Variants in AUNIP observed in about 807,000 individuals in gnomAD.
AUNIP encodes the protein aurora kinase A- and ninein-interacting protein.
In AUNIP, 16 loss-of-function variants were observed where a neutral mutation model predicts 12.2. The ratio of observed to expected loss-of-function variants is 1.31; its 90% CI spans 0.88 to 1.99. AUNIP has a LOEUF of 1.99. Among genes scored for constraint, AUNIP ranks in the 30% most tolerant of loss-of-function variants. The probability of loss-of-function intolerance (pLI) is 0.00; values close to 1 mark genes in which losing one functional copy is unlikely to be tolerated. For missense variants in AUNIP, 411 were observed against 419.1 expected (o/e 0.98, Z 0.17); for synonymous variants, 142 against 154.8 (o/e 0.92, Z 0.61).
chr1:25,857,370 C>T (rs1405553447), intron 1 of AUNIP, among the ~76,000 whole-genome samples: 1 of 150,724 alleles, frequency 6.6e-6, no homozygotes, highest in Non-Finnish European at 1.5e-5. Flanking sequence ...CTCAGCCTCC[C>T]GAGTAGCTGG....
chr1:25,852,738 C>A (rs148285324), intron 1 of AUNIP, among the ~76,000 whole-genome samples: 25 of 152,272 alleles, frequency 1.6e-4, no homozygotes, highest in African/African-American at 6.0e-4. Flanking sequence ...CTGCGCCTGG[C>A]CGAGATTCTT....
At position 25,834,625 on chromosome 1, in the gene AUNIP, A is replaced by G; in HGVS notation, c.*368T>C. 1 of 1,014,294 alleles carries G rather than the reference A, an allele frequency of 9.9e-7. No homozygotes were observed. Among genetic ancestry groups the G allele is most frequent in the Non-Finnish European group, 1.2e-6 (1 of 847,626 alleles). 62.8% of individuals were successfully genotyped at this position (1,014,294 alleles called of 1,614,324 possible). On this transcript the variant is annotated 3_prime_UTR_variant, in exon 3 of 3. Coordinates refer to ENST00000374298, the MANE Select transcript of AUNIP (RefSeq NM_024037.3). ...AGCGAGACTCCATCTCAAAAAAAAAAAAAAAAAAACACATCCATAAGCAAG... is the reference window on the plus strand; with the variant it reads ...AGCGAGACTCCATCTCAAAAAAAAAGAAAAAAAAACACATCCATAAGCAAG...
At chr1:25,842,267 T>A (rs1428411321) in intron 1 of AUNIP, among the ~76,000 whole-genome samples, 1 of 152,220 alleles carries the variant, frequency 6.6e-6, no homozygotes, top group Non-Finnish European at 1.5e-5. Context: ...GTTTGAGTGG[T>A]CTGGATAAAT....
chr1:25,849,809 T>C (rs1006095879), intron 1 of AUNIP, among the ~76,000 whole-genome samples: 8 of 152,018 alleles, frequency 5.3e-5, no homozygotes, highest in African/African-American at 1.9e-4. Flanking sequence ...AAGTTTTGTA[T>C]TTTTTTAGTA....
At chr1:25,841,267 C>T (rs1301533670) in intron 1 of AUNIP, among the ~76,000 whole-genome samples, 1 of 152,198 alleles carries the variant, frequency 6.6e-6, no homozygotes, top group South Asian at 2.1e-4. Flanking sequence ...AGTCCTTCAG[C>T]TGATTATCCC....
intron 1 of AUNIP, among the ~76,000 whole-genome samples, chr1:25,848,879 G>A (rs542417606): frequency 3.9e-5 from 6 of 152,320 alleles, no homozygotes; most frequent in Admixed American, 1.3e-4. Flanking sequence ...GGAGGACACC[G>A]GAAGATTTAG....
At chr1:25,836,673 A>G (rs1049328830) in intron 2 of AUNIP, among the ~76,000 whole-genome samples, 3 of 152,248 alleles carry the variant, frequency 2.0e-5, no homozygotes, top group Admixed American at 2.0e-4. Flanking sequence ...TTAGCATTCA[A>G]TATAGACTAT....
chr1:25,840,262 G>C (rs2048339672), intron 1 of AUNIP, among the ~76,000 whole-genome samples: 1 of 152,130 alleles, frequency 6.6e-6, no homozygotes, highest in African/African-American at 2.4e-5. Context: ...CTTAACGACA[G>C]ATTGGAGACT....
In AUNIP at chr1:25,847,285, G is replaced by A. The variant is rs141327777; in HGVS notation, c.79-9731C>T. ...TTTTTGTTTTGTTTTTTTTTGAGAC[G>A]GAGTCTCACTCTGTCACCGAGGCTG... is the stretch of plus-strand genomic sequence containing the variant. On this transcript the variant is annotated intron_variant, in intron 1 of 2. Coordinates refer to ENST00000374298, the MANE Select transcript of AUNIP (RefSeq NM_024037.3). The surrounding 1 kb of genome is among the most constrained non-coding windows in gnomAD (Gnocchi z 4.2). Among the ~76,000 whole-genome samples, 398 of 151,666 alleles carry A rather than the reference G, an allele frequency of 2.6e-3. 1 individual carries two copies. Among genetic ancestry groups the A allele is most frequent in the Non-Finnish European group, 4.5e-3 (308 of 67,914 alleles).
intron 1 of AUNIP, among the ~76,000 whole-genome samples, chr1:25,839,707 AG>A (rs1259913899): frequency 6.6e-6 from 1 of 152,104 alleles, no homozygotes; most frequent in African/African-American, 2.4e-5. Context: ...CTTGTTGCCC[AG>A]GCTGGAGTAC....
At chr1:25,854,130 A>C (rs952217221) in intron 1 of AUNIP, among the ~76,000 whole-genome samples, 4 of 152,186 alleles carry the variant, frequency 2.6e-5, no homozygotes, top group Non-Finnish European at 5.9e-5. Context: ...GAACTGCTTC[A>C]ACCCAGCAGG....
At chr1:25,841,173 T>C (rs1006691283) in intron 1 of AUNIP, among the ~76,000 whole-genome samples, 5 of 152,216 alleles carry the variant, frequency 3.3e-5, no homozygotes, top group Admixed American at 3.3e-4. Flanking sequence ...GACCCATGGC[T>C]TCAAGGATCT....
In AUNIP at chr1:25,835,615, G is replaced by A. The variant is rs2048295427; in HGVS notation, c.452C>T (p.Thr151Ile). ...GHHRMKTPFS[T>I]ELSLLQPDTP... is the part of the protein sequence containing the mutation. ...ATCAGGCTGGAGCAAAGATAGCTCA[G>A]TTGAAAATGGGGTTTTCATTCTGTG... The change falls in exon 3 of 3, where the codon ACT becomes ATT. Residue 151 changes from threonine to isoleucine, a missense_variant. Coordinates refer to ENST00000374298, the MANE Select transcript of AUNIP (RefSeq NM_024037.3). 1 of 1,614,236 alleles carries A rather than the reference G, an allele frequency of 6.2e-7. No individual in the cohort carries two copies. The highest frequency in any genetic ancestry group is 1.3e-5 in the African/African-American group (1 of 75,058).
At chr1:25,845,211 C>T (rs890318149) in intron 1 of AUNIP, among the ~76,000 whole-genome samples, 1 of 152,198 alleles carries the variant, frequency 6.6e-6, no homozygotes, top group Non-Finnish European at 1.5e-5. Context: ...CCATTCACCA[C>T]CTATTTCAAT....
intron 2 of AUNIP, among the ~76,000 whole-genome samples, 163 bp downstream of exon 2, chr1:25,837,250 C>T (rs1430132741): frequency 2.0e-5 from 3 of 152,188 alleles, no homozygotes; most frequent in Non-Finnish European, 4.4e-5. Flanking sequence ...ACATATATTG[C>T]TTTTCAAAAG....
intron 1 of AUNIP, among the ~76,000 whole-genome samples, chr1:25,853,619 C>A (rs1226716280): frequency 6.6e-6 from 1 of 152,002 alleles, no homozygotes; most frequent in African/African-American, 2.4e-5. Context: ...CAAACAAAAA[C>A]AAAACAAAAA....
downstream of AUNIP, chr1:25,832,116 A>G (rs2048252144): frequency 6.2e-7 from 1 of 1,604,034 alleles, no homozygotes. Flanking sequence ...CCTCTTAAGG[A>G]TAGATCTTCT....
At chr1:25,842,446 T>A (rs1344372669) in intron 1 of AUNIP, among the ~76,000 whole-genome samples, 2 of 152,222 alleles carry the variant, frequency 1.3e-5, no homozygotes, top group Non-Finnish European at 2.9e-5. Context: ...ACTGTCCCTA[T>A]AACATAAAAA....
intron 1 of AUNIP, among the ~76,000 whole-genome samples, chr1:25,842,458 T>G (rs1392688649): frequency 6.6e-6 from 1 of 152,250 alleles, no homozygotes; most frequent in East Asian, 1.9e-4. Context: ...ACATAAAAAG[T>G]ACAGGTGAAG....
Sources: allele counts gnomAD v4.1 joint callset (sites outside exome capture counted in the v4.1 genomes callset), GRCh38; gene constraint gnomAD v4.1.1; non-coding constraint Gnocchi (gnomAD v3.1); transcripts MANE v1.5; gene names NCBI Gene and HGNC (gene_info 2026-07-23, HGNC 2026-07-21).